Variants in SPECC1 observed in about 807,000 individuals in gnomAD.
The protein encoded by SPECC1 is cytospin-B.
SPECC1 carries 62 observed loss-of-function variants against 104.1 expected under a neutral mutation model. The observed-to-expected ratio is 0.60, with a 90% CI of 0.49 to 0.74. The LOEUF (loss-of-function observed/expected upper bound fraction) is 0.74, where lower values mean the gene tolerates loss of function less well. Ranked by LOEUF, SPECC1 falls within the 30% of genes least tolerant of loss-of-function variation. The pLI is 0.00. For synonymous variants in SPECC1, 513 were observed against 501.6 expected (o/e 1.02, Z -0.30); for missense variants, 1,306 against 1,310.5 (o/e 1.00, Z 0.05).
At chr17:20,169,099 C>G (rs894520949) in intron 3 of SPECC1, among the ~76,000 whole-genome samples, 1 of 152,166 alleles carries the variant, frequency 6.6e-6, no homozygotes, top group Non-Finnish European at 1.5e-5. Context: ...TCTTGAACTC[C>G]TGAGCTCAAG....
At chr17:20,194,967 A>G (rs1451868173) in intron 3 of SPECC1, among the ~76,000 whole-genome samples, 2 of 152,244 alleles carry the variant, frequency 1.3e-5, no homozygotes, top group South Asian at 2.1e-4. Context: ...TATAATATAA[A>G]TAGCTCAAAA....
intron 3 of SPECC1, among the ~76,000 whole-genome samples, chr17:20,173,424 T>C (rs2034232753): frequency 1.3e-5 from 2 of 152,252 alleles, no homozygotes; most frequent in African/African-American, 4.8e-5. Flanking sequence ...ATTGTATATG[T>C]ATCAGGAGCA....
At chr17:20,261,198 G>A (rs955003847) in intron 12 of SPECC1, among the ~76,000 whole-genome samples, 6 of 152,062 alleles carry the variant, frequency 3.9e-5, no homozygotes, top group African/African-American at 9.7e-5. Context: ...GCCAAGTCCT[G>A]TCCCTGCTGT....
At chr17:20,049,021 CT>C (rs2045644576) in intron 1 of SPECC1, among the ~76,000 whole-genome samples, 1 of 152,160 alleles carries the variant, frequency 6.6e-6, no homozygotes, top group African/African-American at 2.4e-5. Flanking sequence ...TCTTCTGCCC[CT>C]GTCCCTTAGC....
At chr17:20,244,143 C>T (rs182456590) in intron 7 of SPECC1, among the ~76,000 whole-genome samples, 12 of 152,168 alleles carry the variant, frequency 7.9e-5, no homozygotes, top group Non-Finnish European at 1.5e-4. Context: ...GCATTAGAAT[C>T]GCTTGAACCT....
intron 12 of SPECC1, among the ~76,000 whole-genome samples, chr17:20,284,149 C>A (rs538376743): frequency 6.6e-6 from 1 of 152,166 alleles, no homozygotes; most frequent in Non-Finnish European, 1.5e-5. Flanking sequence ...ACAAGCGATG[C>A]GAGACTAATC....
chr17:20,014,995 T>G (rs1433636362), intron 1 of SPECC1, among the ~76,000 whole-genome samples: 2 of 152,322 alleles, frequency 1.3e-5, no homozygotes, highest in Non-Finnish European at 2.9e-5. Context: ...CCTCAGGTGA[T>G]CCACCTGCCT....
chr17:20,291,591 C>T (rs1397456553), intron 12 of SPECC1, among the ~76,000 whole-genome samples: 3 of 152,056 alleles, frequency 2.0e-5, no homozygotes, highest in Non-Finnish European at 4.4e-5. Flanking sequence ...GTCATGCAGG[C>T]GGGAGTGCAG....
intron 7 of SPECC1, among the ~76,000 whole-genome samples, chr17:20,245,317 C>T (rs943958133): frequency 6.6e-6 from 1 of 152,178 alleles, no homozygotes; most frequent in African/African-American, 2.4e-5. Context: ...TGGAAAGCTG[C>T]CACCACAGTT....
chr17:20,239,882 T>TG (rs1032668043), intron 7 of SPECC1, among the ~76,000 whole-genome samples: 4 of 10,908 alleles, frequency 3.7e-4, no homozygotes, highest in African/African-American at 1.6e-3. Flanking sequence ...CGCTGAGTTT[T>TG]TTTTTTTTTT....
At chr17:20,063,092 A>T (rs1054722651) in intron 1 of SPECC1, among the ~76,000 whole-genome samples, 2 of 152,176 alleles carry the variant, frequency 1.3e-5, no homozygotes, top group Non-Finnish European at 2.9e-5. Flanking sequence ...CATGAAAGAG[A>T]CTATTTTCTA....
intron 3 of SPECC1, among the ~76,000 whole-genome samples, chr17:20,159,197 A>C (rs1325904523): frequency 6.6e-6 from 1 of 152,118 alleles, no homozygotes; most frequent in Non-Finnish European, 1.5e-5. Context: ...TGCCTGACTC[A>C]GCCTCCCACA....
chr17:20,232,281 C>T lies in SPECC1; in HGVS notation c.2227C>T (p.Gln743Ter), dbSNP rs1451035739. 1 of 1,614,038 alleles carries T rather than the reference C, an allele frequency of 6.2e-7. No individual in the cohort carries two copies. The highest frequency in any genetic ancestry group is 8.5e-7 in the Non-Finnish European group (1 of 1,180,034). The stretch of plus-strand genomic sequence containing the variant: ...GGCCAATGACATCAAGTGTGAGGCC[C>T]AGCAGGAGCTGCGCACCGTGAAGAG... ...VVANDIKCEA[Q>*]QELRTVKRKL... Residue 743 changes from glutamine (Q) to a stop codon, truncating the protein, a stop_gained, in exon 7 of 15, where the codon CAG (glutamine) becomes TAG (stop). Coordinates refer to ENST00000395527, the MANE Select transcript of SPECC1 (RefSeq NM_001243439.2). LOFTEE classifies it high-confidence loss of function.
At chr17:20,046,670 TCAGGGAGGGCCC>T (rs1296665868) in intron 1 of SPECC1, among the ~76,000 whole-genome samples, 2 of 151,970 alleles carry the variant, frequency 1.3e-5, no homozygotes, top group African/African-American at 4.8e-5. Context: ...AATAGGGTAG[TCAGGGAGGGCCC>T]CATTGAGATG....
At chr17:20,274,633 A>AC (rs2040518562) in intron 12 of SPECC1, among the ~76,000 whole-genome samples, 1 of 148,874 alleles carries the variant, frequency 6.7e-6, no homozygotes, top group Non-Finnish European at 1.5e-5. Flanking sequence ...AGCACGTGCC[A>AC]CCACACCTGG....
At chr17:20,281,717 A>G (rs3850784) in intron 12 of SPECC1, among the ~76,000 whole-genome samples, 107,906 of 152,182 alleles carry the variant, frequency 0.71, 40,078 homozygotes, top group East Asian at 0.99. Context: ...CAGCAGAGCT[A>G]TGCATGACCA....
chr17:20,084,302 A>G (rs1444458303), intron 1 of SPECC1, among the ~76,000 whole-genome samples: 13 of 152,070 alleles, frequency 8.5e-5, no homozygotes, highest in Admixed American at 6.5e-4. Context: ...AGTGGAGGGC[A>G]CTTGTAATTC....
intron 4 of SPECC1, among the ~76,000 whole-genome samples, chr17:20,225,919 A>G (rs1315895957): frequency 2.0e-5 from 3 of 152,238 alleles, no homozygotes; most frequent in South Asian, 4.1e-4. Flanking sequence ...GCTGCCTCCC[A>G]GTGTTCATTC....
At chr17:20,098,889 C>A (rs184247852) in intron 2 of SPECC1, among the ~76,000 whole-genome samples, 2 of 152,152 alleles carry the variant, frequency 1.3e-5, no homozygotes, top group South Asian at 4.2e-4. Flanking sequence ...TCGGCTCTGT[C>A]CCTAGTGCTT....
Sources: gnomAD v4.1 joint callset for allele counts (sites outside exome capture counted in the v4.1 genomes callset) on GRCh38, gnomAD v4.1.1 for gene constraint, MANE v1.5 for transcripts, NCBI Gene and HGNC (gene_info 2026-07-23, HGNC 2026-07-21) for gene names.